CNTN5: variants seen among roughly 807,000 people sequenced by gnomAD.
The protein encoded by CNTN5 is contactin 5.
Under a neutral mutation model 129.1 loss-of-function variants are expected in CNTN5, and 77 were observed. That is an observed-to-expected ratio of 0.60 (90% CI 0.50 to 0.72). CNTN5 has a LOEUF of 0.72. CNTN5 is among the 30% of genes least tolerant of loss of function. CNTN5 has a pLI of 0.00. For synonymous variants in CNTN5, 509 were observed against 465.6 expected, an observed-to-expected ratio of 1.09 and a Z score of -1.20; for missense variants, 1,478 against 1,328.8, an observed-to-expected ratio of 1.11 and a Z score of -1.75.
chr11:99,822,129 C>A (rs1946820251), intron 4 of CNTN5, among the ~76,000 whole-genome samples: 1 of 151,948 alleles, frequency 6.6e-6, no homozygotes, highest in Non-Finnish European at 1.5e-5. Flanking sequence ...AGTAACAGAG[C>A]CTGAATAGAA....
chr11:100,213,255 G>A (rs557052512), intron 15 of CNTN5, among the ~76,000 whole-genome samples: 3 of 152,112 alleles, frequency 2.0e-5, no homozygotes, highest in Admixed American at 6.5e-5. Context: ...GATAATTGGT[G>A]TTGCAATAAA....
intron 2 of CNTN5, among the ~76,000 whole-genome samples, chr11:99,530,455 C>G (rs1272566226): frequency 7.0e-6 from 1 of 143,310 alleles, no homozygotes; most frequent in East Asian, 2.0e-4. Context: ...CTATGTGATA[C>G]ACTTTTAGTC....
intron 3 of CNTN5, among the ~76,000 whole-genome samples, chr11:99,626,787 A>T (rs1951148810): frequency 6.6e-6 from 1 of 152,162 alleles, no homozygotes; most frequent in Non-Finnish European, 1.5e-5. Context: ...AATATTCACA[A>T]CACAGTGAAA....
chr11:99,041,180 C>T (rs1251388654), intron 1 of CNTN5, among the ~76,000 whole-genome samples: 1 of 152,114 alleles, frequency 6.6e-6, no homozygotes, highest in Non-Finnish European at 1.5e-5. Context: ...TAACTTTTCT[C>T]TTTATTTTAA....
At chr11:99,652,966 A>C (rs1952215416) in intron 3 of CNTN5, among the ~76,000 whole-genome samples, 3 of 152,112 alleles carry the variant, frequency 2.0e-5, no homozygotes, top group African/African-American at 7.2e-5. Flanking sequence ...TATTTCAAGA[A>C]TATATAAACC....
intron 1 of CNTN5, among the ~76,000 whole-genome samples, chr11:99,204,390 G>A (rs1859368218): frequency 6.6e-6 from 1 of 152,112 alleles, no homozygotes. Flanking sequence ...TAAAGAAAAT[G>A]TTAAGGTTTG....
intron 3 of CNTN5, among the ~76,000 whole-genome samples, chr11:99,687,044 A>G (rs765535494): frequency 2.0e-5 from 3 of 152,190 alleles, no homozygotes; most frequent in Non-Finnish European, 4.4e-5. Flanking sequence ...ATATACTGAC[A>G]CTGTCAGTCT....
chr11:99,819,716 T>C lies in CNTN5; in HGVS notation c.228T>C (p.Tyr76=), dbSNP rs537629421. 1.1e-5 allele frequency: 18 copies of C among 1,611,956 alleles called. No individual in the cohort carries two copies. The highest frequency in any genetic ancestry group is 2.2e-5 in the East Asian group (1 of 44,786). ...GCTGGCTAGGGGCAGCTCAGAATTA[T>C]TATTCCCCCATCAATCTTTATCATT... ...SPSWLGAAQN[Y]YSPINLYHSS... Residue 76 remains tyrosine (Y), a synonymous_variant, in exon 4 of 25, where the codon TAT becomes TAC. Transcript: ENST00000524871.
chr11:99,812,470 T>C (rs901294835), intron 3 of CNTN5, among the ~76,000 whole-genome samples: 11 of 152,096 alleles, frequency 7.2e-5, no homozygotes, highest in African/African-American at 1.7e-4. Context: ...AAAAATAATA[T>C]AGAAAATGTA....
intron 3 of CNTN5, among the ~76,000 whole-genome samples, chr11:99,694,209 G>A (rs1046307128): frequency 2.0e-5 from 3 of 151,916 alleles, no homozygotes; most frequent in African/African-American, 4.8e-5. Flanking sequence ...CTTAGAGTTC[G>A]TGCTATACTT....
intron 1 of CNTN5, among the ~76,000 whole-genome samples, chr11:99,191,972 G>A (rs11218732): frequency 0.21 from 32,088 of 151,462 alleles, 3,479 homozygotes; most frequent in Middle Eastern, 0.26. Context: ...AGAAATAAAT[G>A]AAACAGAAAC....
chr11:99,883,467 A>G (rs888004348), intron 6 of CNTN5, among the ~76,000 whole-genome samples: 1 of 152,164 alleles, frequency 6.6e-6, no homozygotes, highest in Non-Finnish European at 1.5e-5. Flanking sequence ...CTGATGAGCA[A>G]TGATGTTGAG....
chr11:100,297,392 A>G (rs1951119695), intron 18 of CNTN5, among the ~76,000 whole-genome samples: 2 of 151,554 alleles, frequency 1.3e-5, no homozygotes, highest in South Asian at 4.1e-4. Flanking sequence ...TTTAGAAATC[A>G]CTACCACAGA....
chr11:99,080,522 T>C (rs1251481730), intron 1 of CNTN5, among the ~76,000 whole-genome samples: 1 of 152,170 alleles, frequency 6.6e-6, no homozygotes, highest in Non-Finnish European at 1.5e-5. Context: ...CACCATCCTA[T>C]CAGCAGAAGA....
chr11:99,717,719 T>G (rs1414759834), intron 3 of CNTN5, among the ~76,000 whole-genome samples: 1 of 151,962 alleles, frequency 6.6e-6, no homozygotes, highest in African/African-American at 2.4e-5. Flanking sequence ...GATAGAAAAA[T>G]GTAATACCAA....
chr11:100,158,723 C>T (rs899369034), intron 13 of CNTN5, among the ~76,000 whole-genome samples: 62 of 151,898 alleles, frequency 4.1e-4, no homozygotes, highest in African/African-American at 1.5e-3. Context: ...CAAGGGGCAA[C>T]CATACATGCT....
intron 3 of CNTN5, among the ~76,000 whole-genome samples, chr11:99,582,976 T>C (rs978528256): frequency 2.6e-5 from 4 of 152,182 alleles, no homozygotes; most frequent in Non-Finnish European, 5.9e-5. Context: ...TGGTTTTTGA[T>C]GATGGTGACG....
At chr11:100,045,104 G>C (rs1942599086) in intron 9 of CNTN5, among the ~76,000 whole-genome samples, 2 of 146,602 alleles carry the variant, frequency 1.4e-5, no homozygotes, top group Non-Finnish European at 3.0e-5. Context: ...CCAAAGCCTT[G>C]TCTTCCATAT....
chr11:99,025,286 A>G (rs1863062525), intron 1 of CNTN5, among the ~76,000 whole-genome samples: 1 of 152,088 alleles, frequency 6.6e-6, no homozygotes, highest in Admixed American at 6.5e-5. Context: ...AATTAAAGGG[A>G]AAGTGACTAA....
Sources: allele counts gnomAD v4.1 joint callset (sites outside exome capture counted in the v4.1 genomes callset), GRCh38; gene constraint gnomAD v4.1.1; transcripts MANE v1.5; gene names NCBI Gene and HGNC (gene_info 2026-07-23, HGNC 2026-07-21).